The following CDH20 variants were observed in gnomAD, a reference collection of about 807,000 sequenced individuals.
CDH20 encodes cadherin-20.
CDH20 carries 29 observed loss-of-function variants against 74.2 expected under a neutral mutation model. That is an observed-to-expected ratio of 0.39 (90% confidence interval 0.29 to 0.53). CDH20 has a LOEUF of 0.53. Among genes scored for constraint, CDH20 ranks in the 20% least tolerant of loss-of-function variants. The pLI, the probability that CDH20 is intolerant of heterozygous loss-of-function variation, is 0.69. For missense variants in CDH20, 988 were observed against 1,048.3 expected (o/e 0.94, Z 0.79); for synonymous variants, 469 against 405.4 (o/e 1.16, Z -1.88).
chr18:61,499,334 T>C lies in CDH20; in HGVS notation c.395T>C (p.Leu132Pro). 6.2e-7 allele frequency: 1 copy of C among 1,613,992 alleles called. No homozygotes were observed. Reference protein sequence around the residue: ...LDREERAQYTLRAQALDRRTG... With the variant: ...LDREERAQYTPRAQALDRRTG... ...CGAGAGGAAAGAGCCCAGTATACTC[T>C]AAGGGCTCAAGCCCTAGACAGGCGG... Residue 132 changes from leucine to proline, a missense_variant, in exon 3 of 12, where the codon CTA becomes CCA. Leu to Pro is a moderately conservative substitution (Grantham distance 98). Transcript: ENST00000262717.
intron 1 of CDH20, among the ~76,000 whole-genome samples, chr18:61,483,237 C>G (rs1041156206): frequency 6.6e-6 from 1 of 152,092 alleles, no homozygotes; most frequent in Non-Finnish European, 1.5e-5. Flanking sequence ...TCACTCCTGA[C>G]GAAGAATTCC....
chr18:61,523,339 A>C (rs1408171834), intron 6 of CDH20, among the ~76,000 whole-genome samples: 1 of 152,256 alleles, frequency 6.6e-6, no homozygotes, highest in Non-Finnish European at 1.5e-5. Context: ...TGGTCATTAG[A>C]GAAATGCAAA....
chr18:61,444,738 T>C (rs1437531143), intron 1 of CDH20, among the ~76,000 whole-genome samples: 1 of 152,162 alleles, frequency 6.6e-6, no homozygotes, highest in East Asian at 1.9e-4. Context: ...GCTTTAAACC[T>C]TCCTCTTCTT....
chr18:61,538,602 GT>G lies in CDH20; in HGVS notation c.1409-417del, dbSNP rs1227502362. Among the ~76,000 whole-genome samples, 2 of 50,450 alleles carry G rather than the reference GT, an allele frequency of 4.0e-5. 1 individual carries two copies. Among genetic ancestry groups the G allele is most frequent in the Admixed American group, 5.1e-4 (2 of 3,900 alleles). 33.1% of individuals were successfully genotyped at this position (50,450 alleles called of 152,430 possible). A position where few individuals can be genotyped will look rare whatever the true frequency, so the allele number is the denominator to read the frequency against. ...ACTTTTTGTTTGTTTGTTTGTTTTT[GT>G]TTTTGTTTTTGTTTTTGTTTTGTTT... On this transcript the variant is annotated intron_variant, in intron 8 of 11. Transcript: ENST00000262717.
intron 1 of CDH20, among the ~76,000 whole-genome samples, chr18:61,375,488 C>T (rs934815108): frequency 6.6e-6 from 1 of 152,048 alleles, no homozygotes; most frequent in African/African-American, 2.4e-5. Flanking sequence ...AACAATCCTT[C>T]GTGCTACTTC....
chr18:61,366,012 T>G (rs1265502019), intron 1 of CDH20, among the ~76,000 whole-genome samples: 1 of 152,170 alleles, frequency 6.6e-6, no homozygotes, highest in Non-Finnish European at 1.5e-5. Context: ...CTTGCAACAT[T>G]GCACGTTTTA....
intron 1 of CDH20, among the ~76,000 whole-genome samples, chr18:61,417,057 C>A (rs2144264030): frequency 6.6e-6 from 1 of 152,202 alleles, no homozygotes; most frequent in Admixed American, 6.5e-5. Context: ...TAACTATTTT[C>A]CTTTAGTGAT....
intron 2 of CDH20, among the ~76,000 whole-genome samples, chr18:61,491,349 A>G (rs1472506380): frequency 1.3e-5 from 2 of 152,302 alleles, no homozygotes; most frequent in Middle Eastern, 3.4e-3. Flanking sequence ...TCATTATTTC[A>G]TCTTTAATCC....
intron 1 of CDH20, among the ~76,000 whole-genome samples, chr18:61,474,866 GC>G (rs1910311905): frequency 6.6e-6 from 1 of 152,108 alleles, no homozygotes; most frequent in Non-Finnish European, 1.5e-5. Flanking sequence ...GCAAGGAAGG[GC>G]CGGGGAAAGG....
Position 61,554,848 on chromosome 18 carries a change from T to C in CDH20, c.*153T>C, listed in dbSNP as rs766803111. On this transcript the variant is annotated 3_prime_UTR_variant, in exon 12 of 12. Coordinates refer to ENST00000262717, the MANE Select transcript of CDH20 (RefSeq NM_031891.4). ...GAGCTCTCTCTGGATCAGCTTTACT[T>C]GGGTAGATTAAGTTAAATAAGCAAA... 41 of 1,413,152 alleles carry C rather than the reference T, an allele frequency of 2.9e-5. No individual in the cohort carries two copies. Among genetic ancestry groups the C allele is most frequent in the Non-Finnish European group, 3.8e-5 (41 of 1,086,850 alleles). 87.5% of individuals were successfully genotyped at this position (1,413,152 alleles called of 1,614,324 possible). A position where few individuals can be genotyped will look rare whatever the true frequency, so the allele number is the denominator to read the frequency against.
chr18:61,526,691 T>C (rs1314448040), intron 6 of CDH20, among the ~76,000 whole-genome samples: 1 of 152,068 alleles, frequency 6.6e-6, no homozygotes, highest in Non-Finnish European at 1.5e-5. Flanking sequence ...CTGTATTTAT[T>C]TTGAAAAAAA....
At chr18:61,520,803 T>A (rs1912177859) in intron 6 of CDH20, among the ~76,000 whole-genome samples, 1 of 151,120 alleles carries the variant, frequency 6.6e-6, no homozygotes, top group Admixed American at 6.6e-5. Flanking sequence ...CACACACAAC[T>A]ACATGGAAAC....
At chr18:61,464,009 C>T (rs886390826) in intron 1 of CDH20, among the ~76,000 whole-genome samples, 1 of 152,170 alleles carries the variant, frequency 6.6e-6, no homozygotes, top group Non-Finnish European at 1.5e-5. Flanking sequence ...AAGCACCCAG[C>T]ATGGAGCCCG....
At chr18:61,499,098 G>T in intron 2 of CDH20, 88 bp from the exon 3 acceptor site, 1 of 1,052,276 alleles carries the variant, frequency 9.5e-7, no homozygotes, top group Non-Finnish European at 1.4e-6. Flanking sequence ...GTAAAGGGAG[G>T]TTATAAGTTT....
chr18:61,340,975 T>A (rs937142549), intron 1 of CDH20, among the ~76,000 whole-genome samples: 2 of 152,188 alleles, frequency 1.3e-5, no homozygotes, highest in African/African-American at 4.8e-5. Context: ...AATCTTTGCA[T>A]CAAAGGATAT....
chr18:61,438,740 A>G lies in CDH20; in HGVS notation c.-152-51662A>G, dbSNP rs920312999. On this transcript the variant is annotated intron_variant, in intron 1 of 11. Transcript: ENST00000262717. ...AAACAGAACTACCATTCAACCCAGCAATCCCATTACTGGATATATATTCAA... is the reference window on the plus strand; with the variant it reads ...AAACAGAACTACCATTCAACCCAGCGATCCCATTACTGGATATATATTCAA... Among the ~76,000 whole-genome samples the G allele has an allele frequency of 3.3e-5, 5 of 152,184 alleles. No homozygotes were observed. The East Asian group carries it at 9.6e-4, about 29-fold the overall frequency.
intron 6 of CDH20, among the ~76,000 whole-genome samples, chr18:61,524,795 C>G (rs549420759): frequency 6.6e-6 from 1 of 152,134 alleles, no homozygotes; most frequent in African/African-American, 2.4e-5. Flanking sequence ...GTGGCACACA[C>G]GTGTAGTCCC....
intron 1 of CDH20, among the ~76,000 whole-genome samples, chr18:61,471,875 C>A (rs1910193290): frequency 6.6e-6 from 1 of 152,144 alleles, no homozygotes; most frequent in South Asian, 2.1e-4. Context: ...ACTGGAAACA[C>A]TAAGTAATGG....
intron 1 of CDH20, among the ~76,000 whole-genome samples, chr18:61,336,124 C>A (rs1282139780): frequency 6.6e-6 from 1 of 152,156 alleles, no homozygotes; most frequent in Non-Finnish European, 1.5e-5. Context: ...AGACTGGAAT[C>A]GGAAGGAAGA....
Sources: allele counts gnomAD v4.1 joint callset (sites outside exome capture counted in the v4.1 genomes callset), GRCh38; gene constraint gnomAD v4.1.1; transcripts MANE v1.5; gene names NCBI Gene and HGNC (gene_info 2026-07-23, HGNC 2026-07-21).